The following ARID3B variants were observed in gnomAD, a reference collection of about 807,000 sequenced individuals.
ARID3B encodes the protein AT-rich interactive domain-containing protein 3B.
In ARID3B, 10 loss-of-function variants were observed where a neutral mutation model predicts 51.9. The ratio of observed to expected loss-of-function variants is 0.19; its 90% CI spans 0.12 to 0.33. ARID3B has a LOEUF of 0.33. Among genes scored for constraint, ARID3B ranks in the 10% least tolerant of loss-of-function variants. The pLI is 1.00. For synonymous variants in ARID3B, 205 were observed against 279.5 expected (o/e 0.73, Z 2.66); for missense variants, 483 against 716.3 (o/e 0.67, Z 3.72).
intron 2 of ARID3B, among the ~76,000 whole-genome samples, chr15:74,569,544 GC>G (rs1284092493): frequency 6.6e-6 from 1 of 152,178 alleles, no homozygotes; most frequent in East Asian, 1.9e-4. Flanking sequence ...CTGAGATCAT[GC>G]CACTGCACTC....
At chr15:74,549,845 T>C (rs2061629865) in intron 2 of ARID3B, among the ~76,000 whole-genome samples, 1 of 152,166 alleles carries the variant, frequency 6.6e-6, no homozygotes, top group South Asian at 2.1e-4. Context: ...TAGGGGGCAG[T>C]GTGCTATGGG....
At chr15:74,541,354 C>T (rs921234961) in intron 1 of ARID3B, 24 bp downstream of exon 1, 1 of 152,574 alleles carries the variant, frequency 6.6e-6, no homozygotes, top group African/African-American at 2.4e-5. Flanking sequence ...GTCCGGGCTC[C>T]CTCAGGCATG....
intron 2 of ARID3B, among the ~76,000 whole-genome samples, chr15:74,545,572 C>CTTGTTGGTG (rs2061612774): frequency 6.6e-6 from 1 of 152,140 alleles, no homozygotes; most frequent in African/African-American, 2.4e-5. Flanking sequence ...ATAAGTTGTT[C>CTTGTTGGTG]CAGCTTAAGT....
intron 2 of ARID3B, among the ~76,000 whole-genome samples, chr15:74,568,684 G>A (rs934046638): frequency 5.9e-5 from 9 of 152,122 alleles, no homozygotes; most frequent in African/African-American, 2.2e-4. Flanking sequence ...CTAGTCTTGG[G>A]TGTGTATTTG....
At position 74,595,656 on chromosome 15, in the gene ARID3B, C is replaced by T. The variant is rs777320693; in HGVS notation, c.1565C>T (p.Ser522Phe). ...CCTGTGGTCCACCTCATCACGGGGTCTGCTCCCCAGAGCCTCGGCAGCAGC... is the reference window on the plus strand; with the variant it reads ...CCTGTGGTCCACCTCATCACGGGGTTTGCTCCCCAGAGCCTCGGCAGCAGC... ...QKPVVHLITG[S>F]APQSLGSSAS... is the part of the protein sequence containing the mutation. The change falls in exon 9 of 9, where the codon TCT becomes TTT. Residue 522 changes from serine (S) to phenylalanine (F), a missense_variant. By Grantham distance (155) the Ser-to-Phe change is radical. Transcript: ENST00000346246. 6.8e-6 allele frequency: 11 copies of T among 1,613,602 alleles called. No homozygotes were observed. The highest frequency in any genetic ancestry group is 1.3e-5 in the African/African-American group (1 of 75,040).
At chr15:74,554,833 C>G (rs1386753668) in intron 2 of ARID3B, among the ~76,000 whole-genome samples, 1 of 152,084 alleles carries the variant, frequency 6.6e-6, no homozygotes. Flanking sequence ...TTCCAGACCA[C>G]CACAATAAAG....
chr15:74,549,947 A>G (rs574716579), intron 2 of ARID3B, among the ~76,000 whole-genome samples: 3 of 152,358 alleles, frequency 2.0e-5, no homozygotes, highest in South Asian at 2.1e-4. Context: ...CCAAAATAAC[A>G]GTAGTGCCAA....
intron 7 of ARID3B, among the ~76,000 whole-genome samples, chr15:74,592,316 C>T (rs1373737196): frequency 1.3e-5 from 2 of 152,224 alleles, no homozygotes; most frequent in East Asian, 3.9e-4. Flanking sequence ...TTCCTCTTCA[C>T]ATTGTTCTGG....
intron 2 of ARID3B, among the ~76,000 whole-genome samples, chr15:74,560,410 T>TAA (rs1487653404): frequency 3.3e-5 from 5 of 152,216 alleles, no homozygotes; most frequent in Non-Finnish European, 7.3e-5. Flanking sequence ...GGTCTACACC[T>TAA]TCTTGGAGCT....
chr15:74,556,870 G>T (rs1176370458), intron 2 of ARID3B, among the ~76,000 whole-genome samples: 8 of 148,352 alleles, frequency 5.4e-5, no homozygotes, highest in Admixed American at 4.2e-4. Context: ...TGCCTGCCAG[G>T]TTCAAGCGAT....
At chr15:74,553,854 G>A (rs1047492264) in intron 2 of ARID3B, among the ~76,000 whole-genome samples, 2 of 150,058 alleles carry the variant, frequency 1.3e-5, no homozygotes, top group South Asian at 4.2e-4. Context: ...ACAGAGTTTC[G>A]CTCTTGTTGC....
chr15:74,595,602 C>A lies in ARID3B; in HGVS notation c.1520-9C>A, dbSNP rs779926491. 6.2e-7 allele frequency: 1 copy of A among 1,611,066 alleles called. No homozygotes were observed. The highest frequency in any genetic ancestry group is 8.5e-7 in the Non-Finnish European group (1 of 1,178,052). On this transcript the variant is annotated splice_polypyrimidine_tract_variant and intron_variant, in intron 8 of 8. Transcript: ENST00000346246. ...TCTGCCCACACTTGCTTCTCTTCCACCCACCAAGGTGTGCTGTTTGCCCAG... is the reference window on the plus strand; with the variant it reads ...TCTGCCCACACTTGCTTCTCTTCCAACCACCAAGGTGTGCTGTTTGCCCAG...
intron 8 of ARID3B, among the ~76,000 whole-genome samples, chr15:74,593,472 C>G (rs960828258): frequency 2.6e-5 from 4 of 152,216 alleles, no homozygotes; most frequent in Non-Finnish European, 5.9e-5. Context: ...CCTTTTAGAC[C>G]AGTGGTTGGC....
In ARID3B at chr15:74,596,964, G is replaced by T. The variant is rs574423379; in HGVS notation, c.*1190G>T. On this transcript the variant is annotated 3_prime_UTR_variant, in exon 9 of 9. Coordinates refer to ENST00000346246, the MANE Select transcript of ARID3B (RefSeq NM_006465.4). ...GAGACGACTCAGGGATCGCGGGGGC[G>T]GGGAGGTGGAGTGGAGAGGCCCGCT... 6.0e-5 allele frequency: 14 copies of T among 233,836 alleles called. No individual in the cohort carries two copies. The East Asian group carries it at 7.2e-4, about 12-fold the overall frequency. The allele number at this position is 233,836 out of a possible 1,614,324, so 14.5% of individuals were successfully genotyped here.
In ARID3B at chr15:74,553,803, T is replaced by TTTTATTTATTTATTTA. The variant is rs202077230; in HGVS notation, c.552+9330_552+9345dup. On this transcript the variant is annotated intron_variant, in intron 2 of 8. Coordinates refer to ENST00000346246, the MANE Select transcript of ARID3B (RefSeq NM_006465.4). ...TCTTTTTTTTGTTTTGTTTTTTAAT[T>TTTTATTTATTTATTTA]TTTATTTATTTATTTATTTATTTAT... 7.8e-4 allele frequency among the ~76,000 whole-genome samples: 117 copies of TTTTATTTATTTATTTA among 150,242 alleles called. 1 individual carries two copies. The highest frequency in any genetic ancestry group is 3.4e-3 in the Middle Eastern group (1 of 292).
intron 2 of ARID3B, 46 bp downstream of exon 2, chr15:74,544,534 A>T (rs1287644675): frequency 6.3e-7 from 1 of 1,575,712 alleles, no homozygotes; most frequent in African/African-American, 1.4e-5. Flanking sequence ...CCTGAAGGCC[A>T]GAGAGGGGTC....
intron 2 of ARID3B, among the ~76,000 whole-genome samples, chr15:74,572,201 G>A (rs928160506): frequency 6.6e-6 from 1 of 152,170 alleles, no homozygotes; most frequent in African/African-American, 2.4e-5. Flanking sequence ...TAGTTGAATG[G>A]TGTTGCTTCA....
At chr15:74,585,448 A>G (rs572143564) in intron 4 of ARID3B, among the ~76,000 whole-genome samples, 27 of 152,348 alleles carry the variant, frequency 1.8e-4, no homozygotes, top group Non-Finnish European at 3.1e-4. Flanking sequence ...AGAAAATCTC[A>G]AACTATCTGT....
chr15:74,559,446 T>C (rs1053024735), intron 2 of ARID3B, among the ~76,000 whole-genome samples: 1 of 152,256 alleles, frequency 6.6e-6, no homozygotes, highest in African/African-American at 2.4e-5. Flanking sequence ...TTTTGTTTTT[T>C]AATAACTAAG....
Sources: allele counts gnomAD v4.1 joint callset (sites outside exome capture counted in the v4.1 genomes callset), GRCh38; gene constraint gnomAD v4.1.1; transcripts MANE v1.5; gene names NCBI Gene and HGNC (gene_info 2026-07-23, HGNC 2026-07-21).